WWTR1: variants seen among roughly 807,000 people sequenced by gnomAD.
WWTR1 encodes WW domain-containing transcription regulator protein 1.
WWTR1 carries 13 observed loss-of-function variants against 40.1 expected under a neutral mutation model. That is an observed-to-expected ratio of 0.32 (90% CI 0.21 to 0.52). The LOEUF (loss-of-function observed/expected upper bound fraction) is 0.52, where lower values mean the gene tolerates loss of function less well. Among genes scored for constraint, WWTR1 ranks in the 20% least tolerant of loss-of-function variants. The pLI is 0.97. For synonymous variants in WWTR1, 230 were observed against 210.1 expected (o/e 1.09, Z -0.82); for missense variants, 436 against 523.1 (o/e 0.83, Z 1.63).
intron 3 of WWTR1, among the ~76,000 whole-genome samples, chr3:149,555,836 C>T (rs190218691): frequency 7.2e-5 from 11 of 152,182 alleles, no homozygotes; most frequent in Middle Eastern, 3.4e-3. Flanking sequence ...TATCGTCTAA[C>T]GAAAAGACAG....
At chr3:149,708,298 C>T (rs7645996) in intron 5 of WWTR1, among the ~76,000 whole-genome samples, 68,451 of 151,882 alleles carry the variant, frequency 0.45, 16,861 homozygotes, top group African/African-American at 0.65. Context: ...TGTTTGCTTG[C>T]TGGTTTTTTA....
At chr3:149,522,831 G>A (rs1735119987) in intron 6 of WWTR1, among the ~76,000 whole-genome samples, 1 of 152,034 alleles carries the variant, frequency 6.6e-6, no homozygotes, top group Non-Finnish European at 1.5e-5. Context: ...GAGGTCAGGA[G>A]TTCAAGAACA....
intron 2 of WWTR1, among the ~76,000 whole-genome samples, chr3:149,656,267 A>T (rs1371342231): frequency 6.6e-6 from 1 of 152,218 alleles, no homozygotes; most frequent in African/African-American, 2.4e-5. Context: ...AAAACTCCTA[A>T]CAATTTCCAC....
At chr3:149,602,813 C>T (rs571219152) in intron 2 of WWTR1, among the ~76,000 whole-genome samples, 20 of 152,150 alleles carry the variant, frequency 1.3e-4, no homozygotes, top group Non-Finnish European at 2.4e-4. Flanking sequence ...TACAGCATCA[C>T]CACACCCAGC....
upstream of WWTR1, among the ~76,000 whole-genome samples, chr3:149,704,741 T>C (rs370814314): frequency 2.9e-4 from 44 of 151,988 alleles, no homozygotes; most frequent in East Asian, 5.2e-3. Flanking sequence ...GCTTCATCCA[T>C]GGCACAGAGG....
At position 149,564,464 on chromosome 3, in the gene WWTR1, GGTTCTC is replaced by G. The variant is rs1444644002; in HGVS notation, c.568+8394_568+8399del. Among the ~76,000 whole-genome samples the G allele has an allele frequency of 9.9e-5, 15 of 151,072 alleles. No individual in the cohort carries two copies. The East Asian group carries it at 3.0e-3, about 30-fold the overall frequency. ...TCCTCTTCCACCACAAAAAGCTCAAGGTTCTCCCCTGTTGTTCTCACTCTTTTTTTT... is the reference window on the plus strand; with the variant it reads ...TCCTCTTCCACCACAAAAAGCTCAAGCCCTGTTGTTCTCACTCTTTTTTTT... On this transcript the variant is annotated intron_variant, in intron 3 of 6. Transcript: ENST00000360632.
chr3:149,591,487 G>T (rs946274527), intron 2 of WWTR1, among the ~76,000 whole-genome samples: 1 of 152,060 alleles, frequency 6.6e-6, no homozygotes, highest in Non-Finnish European at 1.5e-5. Context: ...TATAAAATGT[G>T]TTCAGTCTAT....
At chr3:149,655,795 C>T (rs748208232) in intron 2 of WWTR1, among the ~76,000 whole-genome samples, 4 of 152,200 alleles carry the variant, frequency 2.6e-5, no homozygotes, top group Non-Finnish European at 5.9e-5. Flanking sequence ...ATCAGAGCAT[C>T]AAATATTAGT....
intron 1 of WWTR1, among the ~76,000 whole-genome samples, chr3:149,675,494 T>C (rs1202927217): frequency 6.6e-6 from 1 of 152,094 alleles, no homozygotes; most frequent in Non-Finnish European, 1.5e-5. Context: ...TTTGATCATG[T>C]TTTTCAGCCA....
At chr3:149,664,490 T>C (rs1229244330) in intron 2 of WWTR1, among the ~76,000 whole-genome samples, 2 of 152,204 alleles carry the variant, frequency 1.3e-5, no homozygotes, top group Admixed American at 6.5e-5. Flanking sequence ...GCATTTACTC[T>C]TTTGTTGCCG....
chr3:149,530,438 G>T (rs1009311240), intron 4 of WWTR1, among the ~76,000 whole-genome samples: 22 of 151,504 alleles, frequency 1.5e-4, no homozygotes, highest in Non-Finnish European at 2.5e-4. Context: ...AACTTCATGG[G>T]ATAAAAAAAT....
chr3:149,578,067 A>T (rs1737973184), intron 2 of WWTR1, among the ~76,000 whole-genome samples: 1 of 128,154 alleles, frequency 7.8e-6, no homozygotes, highest in Admixed American at 9.8e-5. Context: ...CACATATCCC[A>T]AGGACACCTG....
chr3:149,598,436 C>T lies in WWTR1; in HGVS notation c.432-25436G>A, dbSNP rs78716837. ...AAAAGACTTGCCTGAAGCTACATAG[C>T]TCATAAGTAAAAGAGTAGGAATTTG... On this transcript the variant is annotated intron_variant, in intron 2 of 6. Transcript: ENST00000360632. 7.8e-3 allele frequency among the ~76,000 whole-genome samples: 1,192 copies of T among 152,306 alleles called. 15 individuals are homozygous for T. The highest frequency in any genetic ancestry group is 0.026 in the African/African-American group (1,093 of 41,556).
chr3:149,621,793 G>A (rs1341270284), intron 2 of WWTR1, among the ~76,000 whole-genome samples: 1 of 152,166 alleles, frequency 6.6e-6, no homozygotes, highest in Non-Finnish European at 1.5e-5. Context: ...CATGGACGAT[G>A]GACCAGTGAC....
intron 3 of WWTR1, among the ~76,000 whole-genome samples, chr3:149,548,227 G>A (rs988911961): frequency 5.3e-5 from 8 of 152,168 alleles, no homozygotes; most frequent in Admixed American, 1.3e-4. Context: ...AGCAAACATG[G>A]AAAAGGTAAA....
intron 2 of WWTR1, among the ~76,000 whole-genome samples, chr3:149,582,037 A>C (rs1311134280): frequency 1.3e-5 from 2 of 152,094 alleles, no homozygotes; most frequent in Admixed American, 1.3e-4. Context: ...AAAAAGTGGC[A>C]CTGTGAAGTG....
At chr3:149,715,216 G>A (rs957226718) in intron 5 of WWTR1, among the ~76,000 whole-genome samples, 1 of 152,336 alleles carries the variant, frequency 6.6e-6, no homozygotes, top group East Asian at 1.9e-4. Context: ...CCATGTTGTG[G>A]GTGAAGAGGA....
intron 4 of WWTR1, among the ~76,000 whole-genome samples, chr3:149,531,101 AT>A (rs1276025934): frequency 6.6e-6 from 1 of 152,060 alleles, no homozygotes; most frequent in Non-Finnish European, 1.5e-5. Flanking sequence ...CGCCCAGCTA[AT>A]TTTTGTATTT....
In WWTR1 at chr3:149,701,758, C is replaced by T. The variant is rs114041498; in HGVS notation, c.-108+1366G>A. 176 of 173,994 alleles carry T rather than the reference C, an allele frequency of 1.0e-3. 1 individual carries two copies. Among genetic ancestry groups the T allele is most frequent in the African/African-American group, 4.2e-3 (175 of 42,030 alleles). The allele number at this position is 173,994 out of a possible 1,614,324, so 10.8% of individuals were successfully genotyped here. A position where few individuals can be genotyped will look rare whatever the true frequency, so the allele number is the denominator to read the frequency against. ...TAACCGTAAGCTGTTTAAGTTGAAG[C>T]GCTCTCAGATGTTTGGGGGGAAACA... On this transcript the variant is annotated intron_variant, in intron 1 of 7. Transcript: ENST00000465804.
Sources: gnomAD v4.1 joint callset for allele counts (sites outside exome capture counted in the v4.1 genomes callset) on GRCh38, gnomAD v4.1.1 for gene constraint, MANE v1.5 for transcripts, NCBI Gene and HGNC (gene_info 2026-07-23, HGNC 2026-07-21) for gene names.